The following CMTM8 variants were observed in gnomAD, a reference collection of about 807,000 sequenced individuals.
CMTM8 encodes the protein CKLF like MARVEL transmembrane domain containing 8, also known as CKLF-like MARVEL transmembrane domain-containing protein 8.
CMTM8 carries 12 observed loss-of-function variants against 18.6 expected under a neutral mutation model. The ratio of observed to expected loss-of-function variants is 0.65; its 90% CI spans 0.41 to 1.05. The LOEUF is 1.05. Among genes scored for constraint, CMTM8 ranks in the 50% least tolerant of loss-of-function variants. CMTM8 has a pLI of 0.00. For missense variants in CMTM8, 217 were observed against 227.2 expected (o/e 0.95, Z 0.29); for synonymous variants, 87 against 90.6 (o/e 0.96, Z 0.23).
intron 1 of CMTM8, among the ~76,000 whole-genome samples, chr3:32,275,223 C>G (rs1250604234): frequency 6.6e-6 from 1 of 151,584 alleles, no homozygotes; most frequent in Non-Finnish European, 1.5e-5. Flanking sequence ...CCATGTTACT[C>G]AGGCTGGTCT....
chr3:32,343,809 C>T lies in CMTM8; in HGVS notation c.148-13564C>T, dbSNP rs180713124. Among the ~76,000 whole-genome samples, 295 of 152,306 alleles carry T rather than the reference C, an allele frequency of 1.9e-3. 1 individual carries two copies. Among genetic ancestry groups the T allele is most frequent in the Middle Eastern group, 0.01 (3 of 294 alleles). On this transcript the variant is annotated intron_variant, in intron 1 of 3. Transcript: ENST00000307526. ...CAGCTTCCCAGGTTCAAGTGATTCT[C>T]CTGCCTCAGCCTCTCAGGAAGCTGG...
chr3:32,307,901 G>A lies in CMTM8; in HGVS notation c.148-49472G>A, dbSNP rs183000409. On this transcript the variant is annotated intron_variant, in intron 1 of 3. Coordinates refer to ENST00000307526, the MANE Select transcript of CMTM8 (RefSeq NM_178868.5). ...TGGGGCAAAAGTACAAATGGAGAAG[G>A]CCCTGGCAGGCCATGTTCAAGGAGT... 3.3e-5 allele frequency among the ~76,000 whole-genome samples: 5 copies of A among 152,304 alleles called. No individual in the cohort carries two copies. The East Asian group carries it at 9.6e-4, about 29-fold the overall frequency.
intron 1 of CMTM8, among the ~76,000 whole-genome samples, chr3:32,319,074 A>ATATATATATATATATTT: frequency 3.8e-4 from 12 of 31,532 alleles, no homozygotes; most frequent in African/African-American, 1.1e-3. Context: ...ATATATATAT[A>ATATATATATATATATTT]TTTTTTTTTT....
chr3:32,259,127 G>A, intron 1 of CMTM8: 1 of 407,984 alleles, frequency 2.5e-6, no homozygotes, highest in African/African-American at 2.1e-5. Context: ...GGTGGCATGG[G>A]GTCCGGGGAC....
At chr3:32,320,030 A>G (rs1307222100) in intron 1 of CMTM8, among the ~76,000 whole-genome samples, 2 of 152,222 alleles carry the variant, frequency 1.3e-5, no homozygotes, top group African/African-American at 2.4e-5. Context: ...TTCCGACTAG[A>G]GACCTGATGA....
intron 1 of CMTM8, among the ~76,000 whole-genome samples, chr3:32,328,977 T>C (rs1696220017): frequency 6.6e-6 from 1 of 152,184 alleles, no homozygotes; most frequent in South Asian, 2.1e-4. Flanking sequence ...AAACTTATTC[T>C]ACAAGGCCAT....
intron 1 of CMTM8, among the ~76,000 whole-genome samples, chr3:32,256,714 G>A (rs928044359): frequency 6.6e-6 from 1 of 152,172 alleles, no homozygotes; most frequent in African/African-American, 2.4e-5. Context: ...CCAAGTCCTG[G>A]TGGGATCTCT....
chr3:32,348,912 G>A (rs114224177), intron 1 of CMTM8, among the ~76,000 whole-genome samples: 3,183 of 151,604 alleles, frequency 0.021, 94 homozygotes, highest in African/African-American at 0.072. Flanking sequence ...AGGTTTTCTC[G>A]ATTTTATCAT....
At chr3:32,369,400 G>A (rs1408846279) in intron 3 of CMTM8, among the ~76,000 whole-genome samples, 2 of 152,160 alleles carry the variant, frequency 1.3e-5, no homozygotes, top group African/African-American at 2.4e-5. Context: ...AAGTTAACAC[G>A]TAGCAAGAAT....
chr3:32,238,940 C>G lies in CMTM8; in HGVS notation c.-33C>G. 2 of 1,539,098 alleles carry G rather than the reference C, an allele frequency of 1.3e-6. No homozygotes were observed. Among genetic ancestry groups the G allele is most frequent in the Non-Finnish European group, 1.8e-6 (2 of 1,141,432 alleles). Reference sequence around the variant, plus strand: ...TCCAGCCCCAGACCCGCCGGGGTCCCTGGGGACGCGCCAGCCCGGCAGTGG... The same window carrying G: ...TCCAGCCCCAGACCCGCCGGGGTCCGTGGGGACGCGCCAGCCCGGCAGTGG... On this transcript the variant is annotated 5_prime_UTR_variant, in exon 1 of 4. Transcript: ENST00000307526.
intron 1 of CMTM8, among the ~76,000 whole-genome samples, chr3:32,304,560 A>G (rs369761796): frequency 2.6e-5 from 4 of 152,376 alleles, no homozygotes; most frequent in African/African-American, 9.6e-5. Context: ...GAACAAAAGA[A>G]GCTTAGTTTA....
At chr3:32,361,613 G>C (rs1303909676) in intron 2 of CMTM8, among the ~76,000 whole-genome samples, 3 of 152,142 alleles carry the variant, frequency 2.0e-5, no homozygotes, top group East Asian at 3.8e-4. Context: ...AGAAACCAGA[G>C]TTTTATAATC....
intron 1 of CMTM8, among the ~76,000 whole-genome samples, chr3:32,313,831 T>C (rs1695869797): frequency 6.6e-6 from 1 of 152,146 alleles, no homozygotes. Context: ...ACCATGTTCT[T>C]GTCACACGAC....
intron 1 of CMTM8, among the ~76,000 whole-genome samples, chr3:32,348,468 T>C (rs959364461): frequency 2.0e-5 from 3 of 151,834 alleles, no homozygotes; most frequent in Non-Finnish European, 2.9e-5. Flanking sequence ...GTTATCTGAT[T>C]TGAGTTTTCT....
intron 1 of CMTM8, among the ~76,000 whole-genome samples, chr3:32,325,521 G>A (rs973255602): frequency 6.6e-6 from 1 of 152,120 alleles, no homozygotes; most frequent in African/African-American, 2.4e-5. Flanking sequence ...TGTAAGCCTG[G>A]ACTTTCTAAG....
rs1021108483 is a variant in CMTM8 at position 32,350,646 on chromosome 3, G to A, written c.148-6727G>A. ...AGTGATTCTTCTGCCTCAGCCTCCC[G>A]AGTAGCTGGGACTAGATAGAGGCAC... On this transcript the variant is annotated intron_variant, in intron 1 of 3. Coordinates refer to ENST00000307526, the MANE Select transcript of CMTM8 (RefSeq NM_178868.5). 3.9e-5 allele frequency among the ~76,000 whole-genome samples: 6 copies of A among 151,934 alleles called. No individual in the cohort carries two copies. The East Asian group carries it at 5.8e-4, about 15-fold the overall frequency.
chr3:32,352,347 C>CTATT (rs1468591227), intron 1 of CMTM8, among the ~76,000 whole-genome samples: 4 of 152,152 alleles, frequency 2.6e-5, no homozygotes, highest in Non-Finnish European at 4.4e-5. Context: ...AAACAAGATG[C>CTATT]TATTCATCAG....
intron 1 of CMTM8, among the ~76,000 whole-genome samples, chr3:32,244,882 C>T (rs1477912088): frequency 6.6e-6 from 1 of 152,178 alleles, no homozygotes; most frequent in African/African-American, 2.4e-5. Context: ...GTGACATAGT[C>T]TGAAGTTATC....
At chr3:32,356,029 C>G (rs1696809163) in intron 1 of CMTM8, among the ~76,000 whole-genome samples, 1 of 152,140 alleles carries the variant, frequency 6.6e-6, no homozygotes, top group African/African-American at 2.4e-5. Context: ...TGTAATCGGT[C>G]AGGTATTTCC....
Sources: gnomAD v4.1 joint callset for allele counts (sites outside exome capture counted in the v4.1 genomes callset) on GRCh38, gnomAD v4.1.1 for gene constraint, MANE v1.5 for transcripts, NCBI Gene and HGNC (gene_info 2026-07-23, HGNC 2026-07-21) for gene names.